The following JAZF1 variants were observed in gnomAD, a reference collection of about 807,000 sequenced individuals.
JAZF1 encodes the protein JAZF zinc finger 1.
Under a neutral mutation model 26.4 loss-of-function variants are expected in JAZF1, and 8 were observed. The ratio of observed to expected loss-of-function variants is 0.30; its 90% CI spans 0.18 to 0.55. The LOEUF (loss-of-function observed/expected upper bound fraction) is 0.55. Ranked by LOEUF, JAZF1 falls within the 20% of genes least tolerant of loss-of-function variation. JAZF1 has a pLI of 0.94. For synonymous variants in JAZF1, 126 were observed against 122.3 expected, an observed-to-expected ratio of 1.03 and a Z score of -0.20; for missense variants, 199 against 322.0, an observed-to-expected ratio of 0.62 and a Z score of 2.92.
At chr7:28,000,602 CTTTCTTT>C in intron 1 of JAZF1, among the ~76,000 whole-genome samples, 1 of 16,848 alleles carries the variant, frequency 5.9e-5, no homozygotes, top group Admixed American at 4.4e-4. Flanking sequence ...TTTTCTTTTT[CTTTCTTT>C]CTTTCTTTCT....
intron 2 of JAZF1, among the ~76,000 whole-genome samples, chr7:27,921,860 T>C (rs984155730): frequency 6.6e-6 from 1 of 152,184 alleles, no homozygotes; most frequent in Non-Finnish European, 1.5e-5. Context: ...ATCCTGTCTC[T>C]ACAAAAATAG....
chr7:28,161,050 A>G (rs1048040249), intron 1 of JAZF1, among the ~76,000 whole-genome samples: 2 of 152,152 alleles, frequency 1.3e-5, no homozygotes, highest in African/African-American at 4.8e-5. Flanking sequence ...GACAATGAAC[A>G]GATTATTTAA....
intron 2 of JAZF1, 27 bp downstream of exon 2, chr7:27,991,882 T>C (rs1583497089): frequency 1.6e-6 from 2 of 1,247,684 alleles, no homozygotes; most frequent in East Asian, 2.3e-5. Context: ...TATAAGGTTG[T>C]TATAATAAAT....
chr7:28,091,601 CATATATATTAT>C (rs998987364), intron 1 of JAZF1, among the ~76,000 whole-genome samples: 11 of 146,426 alleles, frequency 7.5e-5, no homozygotes, highest in Non-Finnish European at 1.2e-4. Context: ...GTTAAATATA[CATATATATTAT>C]ATATATATAA....
chr7:27,884,867 G>T (rs1783831347), intron 3 of JAZF1, among the ~76,000 whole-genome samples: 1 of 152,124 alleles, frequency 6.6e-6, no homozygotes, highest in Admixed American at 6.5e-5. Context: ...ACCTAGAGTG[G>T]AAGTGCTGGG....
chr7:28,168,570 G>A (rs1323322028), intron 1 of JAZF1, among the ~76,000 whole-genome samples: 5 of 152,000 alleles, frequency 3.3e-5, no homozygotes, highest in East Asian at 3.9e-4. Flanking sequence ...TCTCTGCCAC[G>A]CCCCACTGCA....
intron 2 of JAZF1, among the ~76,000 whole-genome samples, chr7:27,975,133 C>T (rs867247428): frequency 2.0e-4 from 31 of 152,080 alleles, no homozygotes; most frequent in Non-Finnish European, 4.0e-4. Flanking sequence ...GATTCACCTG[C>T]CTCGGCCTCC....
intron 4 of JAZF1, among the ~76,000 whole-genome samples, chr7:27,839,806 A>G (rs960567819): frequency 3.3e-5 from 5 of 152,310 alleles, no homozygotes; most frequent in Admixed American, 3.3e-4. Context: ...AGAAGGGGCA[A>G]TATAAGTGCT....
chr7:27,936,467 T>G lies in JAZF1; in HGVS notation c.189-41051A>C, dbSNP rs117834724. Among the ~76,000 whole-genome samples, 80 of 152,330 alleles carry G rather than the reference T, an allele frequency of 5.3e-4. 3 individuals are homozygous for G. In the East Asian group the frequency reaches 0.011, roughly 21 times the overall value. Reference sequence around the variant, plus strand: ...AGTTTCTTTGTGAGTGCAGTGGACATAGTGTAAATGCTACAATAAAAATGT... The same window carrying G: ...AGTTTCTTTGTGAGTGCAGTGGACAGAGTGTAAATGCTACAATAAAAATGT... On this transcript the variant is annotated intron_variant, in intron 2 of 4. Coordinates refer to ENST00000283928, the MANE Select transcript of JAZF1 (RefSeq NM_175061.4).
intron 2 of JAZF1, among the ~76,000 whole-genome samples, chr7:27,953,168 AAGGCT>A (rs1785039393): frequency 6.6e-6 from 1 of 152,216 alleles, no homozygotes; most frequent in South Asian, 2.1e-4. Flanking sequence ...TAAGTCATAT[AAGGCT>A]TTATAGCCCC....
intron 2 of JAZF1, among the ~76,000 whole-genome samples, chr7:27,967,343 G>A (rs753476334): frequency 3.3e-5 from 5 of 151,976 alleles, no homozygotes; most frequent in Non-Finnish European, 5.9e-5. Flanking sequence ...GGGATCTGTG[G>A]GGTCCTCTGC....
intron 1 of JAZF1, among the ~76,000 whole-genome samples, chr7:28,160,965 T>C (rs555117606): frequency 6.0e-4 from 91 of 152,258 alleles, no homozygotes; most frequent in African/African-American, 2.1e-3. Context: ...ACCTCAGAAA[T>C]CATCCATTCC....
At chr7:27,949,689 G>A (rs1784976969) in intron 2 of JAZF1, among the ~76,000 whole-genome samples, 1 of 152,180 alleles carries the variant, frequency 6.6e-6, no homozygotes, top group African/African-American at 2.4e-5. Flanking sequence ...CTTGAACCCA[G>A]GACAGAGAGG....
At chr7:28,150,127 AG>A (rs1783088311) in intron 1 of JAZF1, among the ~76,000 whole-genome samples, 1 of 152,224 alleles carries the variant, frequency 6.6e-6, no homozygotes, top group Non-Finnish European at 1.5e-5. Flanking sequence ...TGTTACTATA[AG>A]GAGGACAGGA....
chr7:28,139,866 G>A (rs972127197), intron 1 of JAZF1, among the ~76,000 whole-genome samples: 1 of 152,130 alleles, frequency 6.6e-6, no homozygotes, highest in African/African-American at 2.4e-5. Context: ...TTAGAGCAGG[G>A]TAGGAGGTAA....
Position 27,831,073 on chromosome 7 carries a change from T to G in JAZF1, c.*1727A>C. The G allele has an allele frequency of 4.5e-6, 1 of 222,760 alleles. No individual in the cohort carries two copies. The allele number at this position is 222,760 out of a possible 1,614,324, so 13.8% of individuals were successfully genotyped here. A position where few individuals can be genotyped will look rare whatever the true frequency, so the allele number is the denominator to read the frequency against. ...TTCTTATGCACCAACTAGTTGCGTC[T>G]CATGTCTGGATCACCCTTTTAAACA... On this transcript the variant is annotated 3_prime_UTR_variant, in exon 5 of 5. Transcript: ENST00000283928.
intron 2 of JAZF1, among the ~76,000 whole-genome samples, chr7:27,903,416 A>G (rs1347518785): frequency 6.6e-6 from 1 of 152,132 alleles, no homozygotes; most frequent in Non-Finnish European, 1.5e-5. Context: ...GCTAGTTTTG[A>G]ACTCCTGGGA....
chr7:27,882,756 G>A (rs1783794433), intron 3 of JAZF1, among the ~76,000 whole-genome samples: 1 of 152,148 alleles, frequency 6.6e-6, no homozygotes, highest in Non-Finnish European at 1.5e-5. Flanking sequence ...ATTAAAACAA[G>A]TTTGCCGCCG....
chr7:28,120,531 C>CA (rs1782585271), intron 1 of JAZF1, among the ~76,000 whole-genome samples: 1 of 50,530 alleles, frequency 2.0e-5, no homozygotes, highest in Non-Finnish European at 5.0e-5. Flanking sequence ...TTTTTTGAGA[C>CA]AGAGTCTCGC....
Sources: gnomAD v4.1 joint callset for allele counts (sites outside exome capture counted in the v4.1 genomes callset) on GRCh38, gnomAD v4.1.1 for gene constraint, MANE v1.5 for transcripts, NCBI Gene and HGNC (gene_info 2026-07-23, HGNC 2026-07-21) for gene names.